PROCR: variants seen among roughly 807,000 people sequenced by gnomAD.
The protein encoded by PROCR is protein C receptor, also known as endothelial protein C receptor.
In PROCR, 22 loss-of-function variants were observed where a neutral mutation model predicts 24.2. The observed-to-expected ratio is 0.91, with a 90% CI of 0.65 to 1.30. The LOEUF (loss-of-function observed/expected upper bound fraction) is 1.30. PROCR is among the 50% of genes most tolerant of loss of function. The pLI is 0.00. For missense variants in PROCR, 288 were observed against 307.7 expected (o/e 0.94, Z 0.48); for synonymous variants, 137 against 139.2 (o/e 0.98, Z 0.11).
intron 1 of PROCR, among the ~76,000 whole-genome samples, chr20:35,204,297 A>G (rs2060329453): frequency 6.6e-6 from 1 of 152,106 alleles, no homozygotes; most frequent in African/African-American, 2.4e-5. Flanking sequence ...AAACCTTCCA[A>G]TGTAGAGAAG....
chr20:35,178,414 TAAAAAA>T (rs374008630), downstream of PROCR, among the ~76,000 whole-genome samples: 7 of 49,824 alleles, frequency 1.4e-4, no homozygotes, highest in African/African-American at 4.8e-4. Context: ...TTTTTAATTC[TAAAAAA>T]AAAAAAAAAA....
Position 35,174,569 on chromosome 20 carries a change from G to T in PROCR, c.71-133G>T. 7.3e-6 allele frequency: 8 copies of T among 1,090,050 alleles called. No homozygotes were observed. In the South Asian group the frequency reaches 1.0e-4, roughly 14 times the overall value. The allele number at this position is 1,090,050 out of a possible 1,614,324, so 67.5% of individuals were successfully genotyped here. A position where few individuals can be genotyped will look rare whatever the true frequency, so the allele number is the denominator to read the frequency against. On this transcript the variant is annotated intron_variant, in intron 1 of 3. Coordinates refer to ENST00000216968, the MANE Select transcript of PROCR (RefSeq NM_006404.5). ...ACTGTCAGCGTCAAACGGGAGAAGC[G>T]GTGGGAGGGCACATTATAGTTTATG...
intron 1 of PROCR, among the ~76,000 whole-genome samples, chr20:35,194,466 G>A (rs944382164): frequency 1.3e-5 from 2 of 152,184 alleles, no homozygotes; most frequent in Non-Finnish European, 2.9e-5. Context: ...AGTGGCTGGA[G>A]TGATGTCCTG....
At chr20:35,210,037 G>A (rs535688813) in intron 1 of PROCR, among the ~76,000 whole-genome samples, 23 of 152,080 alleles carry the variant, frequency 1.5e-4, no homozygotes, top group Middle Eastern at 3.4e-3. Context: ...GACCAACCTG[G>A]GCAACATAGA....
intron 1 of PROCR, among the ~76,000 whole-genome samples, chr20:35,183,745 A>C (rs946986019): frequency 6.6e-6 from 1 of 152,222 alleles, no homozygotes; most frequent in East Asian, 1.9e-4. Flanking sequence ...GACCATGCCC[A>C]GATAGGAAAG....
In PROCR at chr20:35,176,141, C is replaced by G. The variant is rs374507281; in HGVS notation, c.323-27C>G. 4 of 1,605,626 alleles carry G rather than the reference C, an allele frequency of 2.5e-6. No individual in the cohort carries two copies. In the African/African-American group the frequency reaches 5.4e-5, roughly 21 times the overall value. On this transcript the variant is annotated intron_variant, in intron 2 of 3. Transcript: ENST00000216968. ...ACACCTGGCACCCTCTCTGCACAGTCCCCTGACCCTGACTGTCTATCCACA... is the reference window on the plus strand; with the variant it reads ...ACACCTGGCACCCTCTCTGCACAGTGCCCTGACCCTGACTGTCTATCCACA...
intron 1 of PROCR, among the ~76,000 whole-genome samples, chr20:35,203,568 G>C (rs2060326934): frequency 6.6e-6 from 1 of 151,238 alleles, no homozygotes; most frequent in African/African-American, 2.4e-5. Flanking sequence ...AGTGAGCTGA[G>C]ATCGCACCAC....
chr20:35,189,084 A>G lies in PROCR; in HGVS notation c.94+12638A>G, dbSNP rs140879682. ...TGAAATCTGGGCACCTTGAAAAAAG[A>G]ACAGGATAACAGCGACGTTCAGGGA... On this transcript the variant is annotated intron_variant, in intron 1 of 1. Coordinates refer to the PROCR transcript ENST00000634509. Among the ~76,000 whole-genome samples the G allele has an allele frequency of 7.6e-3, 1,164 of 152,334 alleles. 12 individuals carry two copies. Among genetic ancestry groups the G allele is most frequent in the African/African-American group, 0.026 (1,089 of 41,574 alleles).
intron 1 of PROCR, among the ~76,000 whole-genome samples, chr20:35,209,748 G>T (rs2060355036): frequency 6.6e-6 from 1 of 152,258 alleles, no homozygotes; most frequent in South Asian, 2.1e-4. Flanking sequence ...CAAGTGCAAT[G>T]ACTTTCTTGG....
Position 35,205,752 on chromosome 20 carries a change from AATATATATATATATATATATAT to A in PROCR, c.95-10126_95-10105del, listed in dbSNP as rs200029202. Among the ~76,000 whole-genome samples the A allele has an allele frequency of 5.6e-4, 58 of 102,668 alleles. 1 individual carries two copies. Among genetic ancestry groups the A allele is most frequent in the African/African-American group, 2.7e-3 (56 of 20,476 alleles). 67.4% of individuals were successfully genotyped at this position (102,668 alleles called of 152,430 possible). On this transcript the variant is annotated intron_variant, in intron 1 of 1. Coordinates refer to the PROCR transcript ENST00000634509. Reference sequence around the variant, plus strand: ...GGCAACAAGGACAAAACTCTGTCTAAATATATATATATATATATATATATATATATATATATGTATATATACA... The same window carrying A: ...GGCAACAAGGACAAAACTCTGTCTAAATATATATATATATGTATATATACA...
chr20:35,184,950 G>A (rs1424837278), intron 1 of PROCR, among the ~76,000 whole-genome samples: 1 of 150,762 alleles, frequency 6.6e-6, no homozygotes, highest in Non-Finnish European at 1.5e-5. Context: ...TCACAGAGTG[G>A]GAGAAAATCT....
rs181797716 is a variant in PROCR at position 35,199,160 on chromosome 20, G to A, written c.95-16733G>A. ...CATGTACCATTATGAAAATCCTAGGGCCATTAAGAATGATGTGAATTCTCT... is the reference window on the plus strand; with the variant it reads ...CATGTACCATTATGAAAATCCTAGGACCATTAAGAATGATGTGAATTCTCT... On this transcript the variant is annotated intron_variant, in intron 1 of 1. Coordinates refer to the PROCR transcript ENST00000634509. Among the ~76,000 whole-genome samples, 748 of 152,276 alleles carry A rather than the reference G, an allele frequency of 4.9e-3. 7 individuals carry two copies. The highest frequency in any genetic ancestry group is 6.8e-3 in the Middle Eastern group (2 of 294).
At chr20:35,193,283 C>T (rs1017460264) in intron 1 of PROCR, among the ~76,000 whole-genome samples, 1 of 151,964 alleles carries the variant, frequency 6.6e-6, no homozygotes, top group Non-Finnish European at 1.5e-5. Context: ...TCAAGCCATT[C>T]TCCTGCCACA....
chr20:35,205,474 G>A (rs1374380476), intron 1 of PROCR, among the ~76,000 whole-genome samples: 2 of 147,738 alleles, frequency 1.4e-5, no homozygotes, highest in Non-Finnish European at 3.0e-5. Context: ...TATATTGGCC[G>A]GGCGCAGTGG....
intron 1 of PROCR, among the ~76,000 whole-genome samples, chr20:35,211,162 C>T (rs928619955): frequency 2.0e-5 from 3 of 152,190 alleles, no homozygotes; most frequent in African/African-American, 7.2e-5. Flanking sequence ...GTACCGCTTA[C>T]CAAGCCTTCA....
intron 1 of PROCR, among the ~76,000 whole-genome samples, chr20:35,213,455 A>G (rs1478094887): frequency 6.6e-6 from 1 of 152,218 alleles, no homozygotes; most frequent in Non-Finnish European, 1.5e-5. Flanking sequence ...CGTTAAAAAA[A>G]TAATAATAAA....
Position 35,177,202 on chromosome 20 carries a change from T to G in PROCR, c.*389T>G. On this transcript the variant is annotated 3_prime_UTR_variant, in exon 4 of 4. Coordinates refer to ENST00000216968, the MANE Select transcript of PROCR (RefSeq NM_006404.5). The stretch of plus-strand genomic sequence containing the variant: ...AGTCATCCACAATCAAAATACAACA[T>G]TCAATACTTCCAGGTGTGTCAGACT... The G allele has an allele frequency of 1.8e-6, 2 of 1,111,200 alleles. No individual in the cohort carries two copies. The highest frequency in any genetic ancestry group is 2.2e-6 in the Non-Finnish European group (2 of 903,508). 68.8% of individuals were successfully genotyped at this position (1,111,200 alleles called of 1,614,324 possible). A position where few individuals can be genotyped will look rare whatever the true frequency, so the allele number is the denominator to read the frequency against.
At chr20:35,181,262 A>AT (rs1568593443), downstream of PROCR, among the ~76,000 whole-genome samples, 3 of 100,784 alleles carry the variant, frequency 3.0e-5, no homozygotes, top group East Asian at 6.8e-4. Flanking sequence ...TTCTAATTTA[A>AT]TTTTAATTTA....
At chr20:35,195,957 G>A (rs1005969665) in intron 1 of PROCR, among the ~76,000 whole-genome samples, 6 of 151,848 alleles carry the variant, frequency 4.0e-5, no homozygotes, top group African/African-American at 1.5e-4. Context: ...GAGGTGAGCA[G>A]ACTGCCTGAG....
Sources: allele counts gnomAD v4.1 joint callset (sites outside exome capture counted in the v4.1 genomes callset), GRCh38; gene constraint gnomAD v4.1.1; transcripts MANE v1.5; gene names NCBI Gene and HGNC (gene_info 2026-07-23, HGNC 2026-07-21).